DNAH3: variants seen among roughly 807,000 people sequenced by gnomAD.
DNAH3 encodes dynein axonemal heavy chain 3.
Under a neutral mutation model 432.5 loss-of-function variants are expected in DNAH3, and 332 were observed. That is an observed-to-expected ratio of 0.77 (90% confidence interval 0.70 to 0.84). DNAH3 has a LOEUF of 0.84. DNAH3 is among the 40% of genes least tolerant of loss of function. The pLI is 0.00. For synonymous variants in DNAH3, 1,956 were observed against 1,900.2 expected, an observed-to-expected ratio of 1.03 and a Z score of -0.76; for missense variants, 4,861 against 5,114.0, an observed-to-expected ratio of 0.95 and a Z score of 1.51.
intron 18 of DNAH3, among the ~76,000 whole-genome samples, chr16:21,094,651 G>A (rs1475177849): frequency 6.6e-6 from 1 of 152,056 alleles, no homozygotes; most frequent in African/African-American, 2.4e-5. Context: ...GTATGACAAA[G>A]TGACACTCCA....
At chr16:20,944,885 C>T (rs1384763110) in intron 57 of DNAH3, among the ~76,000 whole-genome samples, 2 of 152,124 alleles carry the variant, frequency 1.3e-5, no homozygotes, top group South Asian at 2.1e-4. Context: ...AATTACCTCT[C>T]GCCCACCCTG....
At chr16:21,155,746 G>C (rs547588415) in intron 1 of DNAH3, among the ~76,000 whole-genome samples, 2 of 151,906 alleles carry the variant, frequency 1.3e-5, no homozygotes, top group East Asian at 3.9e-4. Flanking sequence ...ATTGAGTGTC[G>C]TGTGTTTTTA....
At chr16:21,068,194 G>A (rs917835035) in intron 23 of DNAH3, among the ~76,000 whole-genome samples, 1 of 152,108 alleles carries the variant, frequency 6.6e-6, no homozygotes, top group African/African-American at 2.4e-5. Flanking sequence ...TGCCTTGCAC[G>A]CCCAGTGAAC....
At chr16:21,113,968 T>C (rs909521888) in intron 12 of DNAH3, among the ~76,000 whole-genome samples, 4 of 152,210 alleles carry the variant, frequency 2.6e-5, no homozygotes, top group Non-Finnish European at 5.9e-5. Context: ...TACTGAACCC[T>C]TTATATACTG....
At chr16:21,139,283 GA>G (rs1218761113) in intron 5 of DNAH3, among the ~76,000 whole-genome samples, 1 of 133,038 alleles carries the variant, frequency 7.5e-6, no homozygotes, top group Admixed American at 7.7e-5. Flanking sequence ...GTTTTCTCAA[GA>G]GAAGTTGGAA....
chr16:21,003,283 C>T lies in DNAH3; in HGVS notation c.6023-76G>A, dbSNP rs573651580. 4.0e-5 allele frequency: 38 copies of T among 940,054 alleles called. No individual in the cohort carries two copies. The African/African-American group carries it at 5.6e-4, about 14-fold the overall frequency. The allele number at this position is 940,054 out of a possible 1,614,324, so 58.2% of individuals were successfully genotyped here. On this transcript the variant is annotated intron_variant, in intron 41 of 61. Transcript: ENST00000261383. Reference sequence around the variant, plus strand: ...CCTCCCATATTTGAGGATTTTAAGTCCCTCAGTTATCAGCATATGAAAATG... The same window carrying T: ...CCTCCCATATTTGAGGATTTTAAGTTCCTCAGTTATCAGCATATGAAAATG...
intron 42 of DNAH3, among the ~76,000 whole-genome samples, chr16:21,001,344 T>C (rs1190354549): frequency 6.6e-6 from 1 of 152,136 alleles, no homozygotes; most frequent in Non-Finnish European, 1.5e-5. Context: ...GATTATATCA[T>C]ACACTGAAGT....
intron 11 of DNAH3, among the ~76,000 whole-genome samples, chr16:21,118,716 T>C (rs2092265497): frequency 6.6e-6 from 1 of 152,216 alleles, no homozygotes; most frequent in Non-Finnish European, 1.5e-5. Context: ...CCTGTAATTG[T>C]ATATGAACCC....
Position 20,951,844 on chromosome 16 carries a change from A to G in DNAH3, c.11188+589T>C, listed in dbSNP as rs190246653. On this transcript the variant is annotated intron_variant, in intron 56 of 61. Coordinates refer to ENST00000261383, the Ensembl canonical transcript of DNAH3. ...CAACCTCTGCCTCCCCACTTCATGC[A>G]ATTCTCCTGTCTCAGCCTCCCAAGG... is the stretch of plus-strand genomic sequence containing the variant. Among the ~76,000 whole-genome samples, 408 of 148,950 alleles carry G rather than the reference A, an allele frequency of 2.7e-3. 1 individual carries two copies. Among genetic ancestry groups the G allele is most frequent in the Non-Finnish European group, 4.8e-3 (326 of 67,646 alleles).
At chr16:21,036,644 T>A in intron 35 of DNAH3, 70 bp downstream of exon 35, 1 of 1,429,160 alleles carries the variant, frequency 7.0e-7, no homozygotes, top group Non-Finnish European at 9.7e-7. Context: ...CAATCTCCTA[T>A]AAGACTTTAC....
intron 16 of DNAH3, among the ~76,000 whole-genome samples, chr16:21,100,273 T>C (rs2091803480): frequency 1.3e-5 from 2 of 152,202 alleles, no homozygotes; most frequent in South Asian, 4.1e-4. Context: ...GGTTTCACCA[T>C]GTTGGCCAGG....
At chr16:21,031,688 C>T (rs2088883277) in intron 36 of DNAH3, among the ~76,000 whole-genome samples, 1 of 152,132 alleles carries the variant, frequency 6.6e-6, no homozygotes, top group African/African-American at 2.4e-5. Flanking sequence ...TCTCACCATA[C>T]TTTCTTCCAA....
chr16:20,948,362 A>G, intron 57 of DNAH3, 121 bp downstream of exon 57: 1 of 1,005,202 alleles, frequency 9.9e-7, no homozygotes, highest in Non-Finnish European at 1.4e-6. Flanking sequence ...TAGCTTATGG[A>G]TTCAATTCAG....
intron 40 of DNAH3, 59 bp downstream of exon 40, chr16:21,021,912 A>AT: frequency 1.9e-6 from 3 of 1,574,520 alleles, no homozygotes; most frequent in Non-Finnish European, 2.6e-6. Context: ...CAAAAAAAAA[A>AT]GAAATAGCCA....
intron 18 of DNAH3, among the ~76,000 whole-genome samples, chr16:21,091,837 T>G (rs973036619): frequency 2.0e-5 from 3 of 151,506 alleles, no homozygotes; most frequent in African/African-American, 7.3e-5. Context: ...AAAAAAGAAA[T>G]TAAAAGCATA....
chr16:21,134,484 A>T, intron 6 of DNAH3, 30 bp from the exon 8 acceptor site: 2 of 1,597,610 alleles, frequency 1.3e-6, no homozygotes, highest in Non-Finnish European at 1.7e-6. Context: ...ACACCTCATT[A>T]TTAAGCTCTA....
chr16:20,995,221 C>A (rs991446614), intron 44 of DNAH3, among the ~76,000 whole-genome samples: 1 of 151,704 alleles, frequency 6.6e-6, no homozygotes, highest in Non-Finnish European at 1.5e-5. Context: ...GCTGGGATTA[C>A]AGCCGTGAGC....
At chr16:21,090,845 G>T (rs1341215581) in intron 18 of DNAH3, among the ~76,000 whole-genome samples, 1 of 152,174 alleles carries the variant, frequency 6.6e-6, no homozygotes, top group Admixed American at 6.5e-5. Context: ...CATGGTGACT[G>T]CAGTTAATAA....
intron 27 of DNAH3, among the ~76,000 whole-genome samples, chr16:21,055,312 T>TC (rs2090093499): frequency 6.6e-6 from 1 of 152,088 alleles, no homozygotes; most frequent in East Asian, 1.9e-4. Flanking sequence ...CACCTTGGCC[T>TC]CCCAAAGTGC....
Sources: allele counts gnomAD v4.1 joint callset (sites outside exome capture counted in the v4.1 genomes callset), GRCh38; gene constraint gnomAD v4.1.1; transcripts MANE v1.5; gene names NCBI Gene and HGNC (gene_info 2026-07-23, HGNC 2026-07-21).